Variants in XPOT observed in about 807,000 individuals in gnomAD.
XPOT encodes exportin-T.
Under a neutral mutation model 128.2 loss-of-function variants are expected in XPOT, and 34 were observed. The observed-to-expected ratio is 0.27, with a 90% CI of 0.20 to 0.35. The LOEUF is 0.35. Ranked by LOEUF, XPOT falls within the 10% of genes least tolerant of loss-of-function variation. The pLI, the probability that XPOT is intolerant of heterozygous loss-of-function variation, is 1.00. For missense variants in XPOT, 838 were observed against 1,125.3 expected (o/e 0.74, Z 3.65); for synonymous variants, 348 against 394.3 (o/e 0.88, Z 1.39).
rs895547341 is a variant in XPOT at position 64,420,349 on chromosome 12, C to A, written c.675-4C>A. 4 of 1,609,216 alleles carry A rather than the reference C, an allele frequency of 2.5e-6. No homozygotes were observed. Among genetic ancestry groups the A allele is most frequent in the Non-Finnish European group, 3.4e-6 (4 of 1,178,564 alleles). On this transcript the variant is annotated splice_region_variant and splice_polypyrimidine_tract_variant and intron_variant, in intron 7 of 24. Coordinates refer to ENST00000332707, the MANE Select transcript of XPOT (RefSeq NM_007235.6). ...ATGTTACAATTTTATTGTCCCATTA[C>A]CAGGTTTATAAATATGCTGCTAGGT...
chr12:64,422,572 C>G (rs976211558), intron 9 of XPOT, among the ~76,000 whole-genome samples: 1 of 152,074 alleles, frequency 6.6e-6, no homozygotes, highest in Admixed American at 6.6e-5. Flanking sequence ...AAACTGCCCT[C>G]CAAAAAAGTT....
rs2040395893 is a variant in XPOT, at chr12:64,449,824, G to A, written c.*1693G>A. 6.6e-6 allele frequency: 1 copy of A among 152,212 alleles called. No individual in the cohort carries two copies. Among genetic ancestry groups the A allele is most frequent in the African/African-American group, 2.4e-5 (1 of 41,466 alleles). 9.4% of individuals were successfully genotyped at this position (152,212 alleles called of 1,614,324 possible). ...GATAATTGCAGCTATTGCAATAGTA[G>A]TAATTGTTAAATGGATACTAATGAA... On this transcript the variant is annotated 3_prime_UTR_variant, in exon 25 of 25. Transcript: ENST00000332707.
chr12:64,422,865 TG>T lies in XPOT; in HGVS notation c.1081-139del, dbSNP rs763654272. ...TTGCAGTGAGCCATGACTGCGCCACTGCACTCCAGCCTGGGCAACAGAGCAA... is the reference window on the plus strand; with the variant it reads ...TTGCAGTGAGCCATGACTGCGCCACTCACTCCAGCCTGGGCAACAGAGCAA... On this transcript the variant is annotated intron_variant, in intron 9 of 24. Transcript: ENST00000332707. 2.2e-3 allele frequency: 432 copies of T among 196,990 alleles called. 1 individual carries two copies. Among genetic ancestry groups the T allele is most frequent in the Non-Finnish European group, 4.0e-3 (363 of 91,744 alleles). 12.2% of individuals were successfully genotyped at this position (196,990 alleles called of 1,614,324 possible).
chr12:64,414,232 T>A (rs1257497307), intron 2 of XPOT, among the ~76,000 whole-genome samples: 28 of 152,218 alleles, frequency 1.8e-4, no homozygotes, highest in Non-Finnish European at 2.4e-4. Context: ...AGAGTACTCT[T>A]GCTCCTTGTT....
chr12:64,410,430 C>T (rs1437110253), intron 2 of XPOT, among the ~76,000 whole-genome samples: 1 of 152,110 alleles, frequency 6.6e-6, no homozygotes, highest in African/African-American at 2.4e-5. Flanking sequence ...TTTATTTTCT[C>T]TTTCCTTGGC....
intron 24 of XPOT, among the ~76,000 whole-genome samples, chr12:64,447,635 C>T (rs986921287): frequency 2.0e-5 from 3 of 152,160 alleles, no homozygotes; most frequent in Non-Finnish European, 2.9e-5. Context: ...TGCACCACCA[C>T]ACCCGGCTAA....
At chr12:64,434,959 A>G in intron 21 of XPOT, 50 bp downstream of exon 21, 3 of 1,458,100 alleles carry the variant, frequency 2.1e-6, no homozygotes, top group Non-Finnish European at 9.5e-7. Context: ...TATATTCCCA[A>G]TTTCTTCTTT....
chr12:64,437,240 C>T (rs1331458244), intron 22 of XPOT, among the ~76,000 whole-genome samples: 1 of 152,158 alleles, frequency 6.6e-6, no homozygotes, highest in East Asian at 1.9e-4. Context: ...AATAAGGCAT[C>T]CCCCGATACT....
intron 15 of XPOT, among the ~76,000 whole-genome samples, chr12:64,426,879 A>T (rs1316840031): frequency 6.6e-6 from 1 of 152,044 alleles, no homozygotes; most frequent in East Asian, 1.9e-4. Flanking sequence ...AGCTAACAGA[A>T]GGCTGAGGCA....
chr12:64,445,349 A>C (rs2040359554), intron 24 of XPOT, among the ~76,000 whole-genome samples: 1 of 152,236 alleles, frequency 6.6e-6, no homozygotes, highest in Non-Finnish European at 1.5e-5. Flanking sequence ...GATGTAATTA[A>C]ATAGAAACTA....
intron 1 of XPOT, chr12:64,409,616 T>G (rs1024571306): frequency 6.3e-6 from 1 of 158,480 alleles, no homozygotes; most frequent in African/African-American, 2.4e-5. Flanking sequence ...GCGCCTGTAG[T>G]CCCAGCTACT....
intron 18 of XPOT, among the ~76,000 whole-genome samples, chr12:64,432,082 G>C (rs890545227): frequency 3.3e-5 from 5 of 152,124 alleles, no homozygotes; most frequent in Admixed American, 3.3e-4. Context: ...TGCTGTTTTA[G>C]AAGAGCATAT....
At chr12:64,445,153 G>A (rs765961517) in intron 24 of XPOT, 22 bp downstream of exon 24, 25 of 1,568,030 alleles carry the variant, frequency 1.6e-5, no homozygotes, top group South Asian at 9.1e-5. Context: ...TGAAGCTCAC[G>A]TATCTTCATA....
rs2040188607 is a variant in XPOT, at chr12:64,425,909, A to G, written c.1667A>G (p.Asn556Ser). 1.2e-6 allele frequency: 2 copies of G among 1,612,884 alleles called. No individual in the cohort carries two copies. The highest frequency in any genetic ancestry group is 1.7e-6 in the Non-Finnish European group (2 of 1,179,000). ...YLFSRFVKSLNKQMNPFIEDI... is the reference protein window; with the variant it reads ...YLFSRFVKSLSKQMNPFIEDI... ...TTTTCTAGATTTGTCAAATCTCTCA[A>G]GTAAGTATAAAATTGCAGCTATTAT... The change falls in exon 15 of 25, where the codon AAT (asparagine) becomes AGT (serine). Residue 556 changes from asparagine to serine, a missense_variant and splice_region_variant. Asn to Ser is a conservative substitution (Grantham distance 46). Transcript: ENST00000332707.
Position 64,426,009 on chromosome 12 carries a change from A to T in XPOT, c.1667+100A>T, listed in dbSNP as rs1460280868. ...CATGGAATCAACCTAGGTGCCCATCAGTGGTGGATTAGATAAAGAAAATGT... is the reference window on the plus strand; with the variant it reads ...CATGGAATCAACCTAGGTGCCCATCTGTGGTGGATTAGATAAAGAAAATGT... On this transcript the variant is annotated intron_variant, in intron 15 of 24. Coordinates refer to ENST00000332707, the MANE Select transcript of XPOT (RefSeq NM_007235.6). 15 of 1,096,526 alleles carry T rather than the reference A, an allele frequency of 1.4e-5. No individual in the cohort carries two copies. In the Admixed American group the frequency reaches 1.4e-4, roughly 10 times the overall value. The allele number at this position is 1,096,526 out of a possible 1,614,324, so 67.9% of individuals were successfully genotyped here.
At position 64,438,714 on chromosome 12, in the gene XPOT, G is replaced by A. The variant is rs369317203; in HGVS notation, c.2734-530G>A. Among the ~76,000 whole-genome samples, 167 of 151,228 alleles carry A rather than the reference G, an allele frequency of 1.1e-3. 1 individual carries two copies. Among genetic ancestry groups the A allele is most frequent in the South Asian group, 6.7e-3 (32 of 4,780 alleles). ...ATAATCTCGGCTCACTGCAGCCTGC[G>A]CCTGCCAGTTTCAAGTGATTCTCCT... On this transcript the variant is annotated intron_variant, in intron 22 of 24. Coordinates refer to ENST00000332707, the MANE Select transcript of XPOT (RefSeq NM_007235.6).
Position 64,425,807 on chromosome 12 carries a change from T to G in XPOT, c.1573-8T>G, listed in dbSNP as rs901582524. On this transcript the variant is annotated splice_polypyrimidine_tract_variant and splice_region_variant and intron_variant, in intron 14 of 24. Coordinates refer to ENST00000332707, the MANE Select transcript of XPOT (RefSeq NM_007235.6). ...ATGCAGAAATAGTAAAAGTGTCTCC[T>G]TCTTTAGATGGCTTTCTTAGATCAC... 1 of 1,613,252 alleles carries G rather than the reference T, an allele frequency of 6.2e-7. No individual in the cohort carries two copies. The highest frequency in any genetic ancestry group is 1.7e-5 in the Admixed American group (1 of 60,010).
At chr12:64,441,904 TC>T (rs1350251532) in intron 23 of XPOT, among the ~76,000 whole-genome samples, 1 of 151,826 alleles carries the variant, frequency 6.6e-6, no homozygotes, top group East Asian at 1.9e-4. Flanking sequence ...GGTCTCAAAC[TC>T]CTAACCTCAG....
At chr12:64,406,823 C>T (rs959962324) in intron 1 of XPOT, among the ~76,000 whole-genome samples, 3 of 152,010 alleles carry the variant, frequency 2.0e-5, no homozygotes, top group Non-Finnish European at 4.4e-5. Flanking sequence ...ATTTAGGGGG[C>T]GAAGGGAACC....
Sources: gnomAD v4.1 joint callset for allele counts (sites outside exome capture counted in the v4.1 genomes callset) on GRCh38, gnomAD v4.1.1 for gene constraint, MANE v1.5 for transcripts, NCBI Gene and HGNC (gene_info 2026-07-23, HGNC 2026-07-21) for gene names.